The following KRABD3 variants were observed in gnomAD, a reference collection of about 807,000 sequenced individuals.
KRABD3 encodes the protein KRAB domain-containing protein 3.
At chr7:149,732,696 C>T in the KRABD3 span, among the ~76,000 whole-genome samples, 5 of 152,124 alleles carry the variant, frequency 3.3e-5, no homozygotes, top group African/African-American at 1.2e-4. The surrounding 1 kb of genome is among the most constrained non-coding windows in gnomAD (Gnocchi z 4.0). Flanking sequence ...GGGGTGGGAA[C>T]CCTTGTGGTT....
At chr7:149,724,891 G>C in the KRABD3 span, 3 of 1,472,526 alleles carry the variant, frequency 2.0e-6, no homozygotes, top group Non-Finnish European at 2.7e-6. Context: ...TTCCCCATGG[G>C]CTTGTCAGTC....
the KRABD3 span, chr7:149,730,355 G>T: frequency 1.3e-6 from 2 of 1,545,260 alleles, no homozygotes; most frequent in South Asian, 2.4e-5. Flanking sequence ...AGCCTGTGCG[G>T]AGAGGGAGGA....
the KRABD3 span, chr7:149,719,409 G>C: frequency 1.1e-6 from 1 of 871,950 alleles, no homozygotes; most frequent in Non-Finnish European, 1.7e-6. This position sits in a 1 kb window ranked among gnomAD's most constrained non-coding sequence, Gnocchi z 5.6. Context: ...CTCTTGAGGG[G>C]ATTCCTGCAT....
the KRABD3 span, among the ~76,000 whole-genome samples, chr7:149,718,575 A>G: frequency 2.1e-5 from 3 of 141,876 alleles, no homozygotes; most frequent in Non-Finnish European, 4.5e-5. Context: ...CTGGAGTGCA[A>G]TGGCGTGATC....
At chr7:149,722,513 G>GA in the KRABD3 span, 1 of 1,608,048 alleles carries the variant, frequency 6.2e-7, no homozygotes, top group South Asian at 1.1e-5. Flanking sequence ...CCAGCAGGAG[G>GA]AAGAGCCACA....
chr7:149,725,657 C>G, the KRABD3 span, among the ~76,000 whole-genome samples: 1 of 152,230 alleles, frequency 6.6e-6, no homozygotes, highest in African/African-American at 2.4e-5. Context: ...GTGCTGAAAG[C>G]CAGTGCAGAT....
chr7:149,727,776 C>A, the KRABD3 span, among the ~76,000 whole-genome samples: 1 of 152,206 alleles, frequency 6.6e-6, no homozygotes, highest in Non-Finnish European at 1.5e-5. Context: ...CCCTCTGTTG[C>A]CCCAGAACTC....
chr7:149,731,648 A>G, the KRABD3 span: 3 of 1,574,564 alleles, frequency 1.9e-6, no homozygotes, highest in Admixed American at 3.5e-5. Flanking sequence ...TCCCTGCCCC[A>G]AGGTCTCTGT....
At chr7:149,723,513 C>T in the KRABD3 span, 11 of 548,290 alleles carry the variant, frequency 2.0e-5, no homozygotes, top group South Asian at 7.9e-5. Flanking sequence ...CAGAGTGATG[C>T]CACTTGTCTG....
chr7:149,715,227 AC>A, the KRABD3 span: 1 of 1,216,490 alleles, frequency 8.2e-7, no homozygotes, highest in Non-Finnish European at 1.0e-6. Flanking sequence ...TCCTCGGACA[AC>A]CTCTCTCCAG....
At chr7:149,728,360 C>A in the KRABD3 span, among the ~76,000 whole-genome samples, 1 of 152,212 alleles carries the variant, frequency 6.6e-6, no homozygotes, top group South Asian at 2.1e-4. Context: ...TCCACGGCAG[C>A]CAAAGCAGGG....
At chr7:149,723,728 C>CT in the KRABD3 span, 106 of 1,532,862 alleles carry the variant, frequency 6.9e-5, no homozygotes, top group Non-Finnish European at 8.4e-5. Context: ...GTTCCTTTTT[C>CT]CTTAGTGAAG....
At chr7:149,728,632 A>G in the KRABD3 span, 1 of 1,613,602 alleles carries the variant, frequency 6.2e-7, no homozygotes, top group Non-Finnish European at 8.5e-7. Context: ...CAGACAGGGG[A>G]CCGAGGAGAG....
At chr7:149,717,828 G>A in the KRABD3 span, among the ~76,000 whole-genome samples, 1 of 152,000 alleles carries the variant, frequency 6.6e-6, no homozygotes, top group Non-Finnish European at 1.5e-5. Flanking sequence ...GGCAGGGACA[G>A]TTTTTTGTTT....
At chr7:149,722,177 G>A in the KRABD3 span, 2 of 547,126 alleles carry the variant, frequency 3.7e-6, no homozygotes, top group Admixed American at 3.2e-5. Flanking sequence ...AAGGCTGCCG[G>A]CATCACTTCC....
At chr7:149,721,386 C>A in the KRABD3 span, 7 of 1,587,478 alleles carry the variant, frequency 4.4e-6, no homozygotes, top group Non-Finnish European at 6.0e-6. Context: ...ACAGCAGCTG[C>A]GGCAAGAGAG....
At chr7:149,724,501 G>A in the KRABD3 span, 11 of 521,084 alleles carry the variant, frequency 2.1e-5, no homozygotes, top group Non-Finnish European at 2.6e-5. Context: ...GGTCTCTGCT[G>A]GTGATTGACA....
chr7:149,734,412 C>T, the KRABD3 span: 2 of 220,552 alleles, frequency 9.1e-6, no homozygotes, highest in African/African-American at 4.6e-5. Context: ...GAGAGCGCCT[C>T]CTAACCACCA....
chr7:149,715,229 C>G, the KRABD3 span: 1 of 1,216,688 alleles, frequency 8.2e-7, no homozygotes. Flanking sequence ...CTCGGACAAC[C>G]TCTCTCCAGC....
Sources: gnomAD v4.1 joint callset for allele counts (sites outside exome capture counted in the v4.1 genomes callset) on GRCh38, gnomAD v4.1.1 for gene constraint, Gnocchi (gnomAD v3.1) non-coding constraint, MANE v1.5 for transcripts, NCBI Gene and HGNC (gene_info 2026-07-23, HGNC 2026-07-21) for gene names.